EP300: variants seen among roughly 807,000 people sequenced by gnomAD.
The protein encoded by EP300 is histone acetyltransferase p300.
EP300 carries 31 observed loss-of-function variants against 264.0 expected under a neutral mutation model. The ratio of observed to expected loss-of-function variants is 0.12; its 90% confidence interval spans 0.09 to 0.16. The LOEUF (loss-of-function observed/expected upper bound fraction) is 0.16. Ranked by LOEUF, EP300 falls within the 10% of genes least tolerant of loss-of-function variation. EP300 has a pLI of 1.00. For missense variants in EP300, 2,766 were observed against 3,052.9 expected (o/e 0.91, Z 2.21); for synonymous variants, 1,340 against 1,045.4 (o/e 1.28, Z -5.44).
At chr22:41,136,283 C>T (rs1297565270) in intron 7 of EP300, among the ~76,000 whole-genome samples, 2 of 152,162 alleles carry the variant, frequency 1.3e-5, no homozygotes, top group Non-Finnish European at 2.9e-5. Context: ...CTCAGTCTCC[C>T]GAAGTGCTGG....
Position 41,117,570 on chromosome 22 carries a change from C to G in EP300, c.478C>G (p.Gln160Glu). 1 of 1,614,244 alleles carries G rather than the reference C, an allele frequency of 6.2e-7. No homozygotes were observed. Residue 160 changes from glutamine (Q) to glutamate (E), a missense_variant, in exon 2 of 31, where the codon CAG becomes GAG. By Grantham distance (29) the Gln-to-Glu change is conservative (BLOSUM62 2). Transcript: ENST00000263253. ...AGGTATGATGAACAGTCCAGTAAAT[C>G]AGCCTGCCATGGGAATGAACACAGG... ...STGMMNSPVN[Q>E]PAMGMNTGMN...
chr22:41,176,594 C>A (rs1363689559), intron 30 of EP300, 66 bp downstream of exon 30: 1 of 1,609,748 alleles, frequency 6.2e-7, no homozygotes, highest in African/African-American at 1.3e-5. Flanking sequence ...GCCATGCAGC[C>A]ACGTATTTTA....
At chr22:41,109,261 A>AAC (rs1306470142) in intron 1 of EP300, among the ~76,000 whole-genome samples, 11 of 151,108 alleles carry the variant, frequency 7.3e-5, no homozygotes, top group Admixed American at 6.6e-4. Flanking sequence ...CTCAAAAAAA[A>AAC]AAAAAAACAA....
intron 9 of EP300, among the ~76,000 whole-genome samples, chr22:41,140,830 TTC>T (rs2058978106): frequency 6.6e-6 from 1 of 152,144 alleles, no homozygotes; most frequent in African/African-American, 2.4e-5. Flanking sequence ...ACCAGCTGTG[TTC>T]TCTTTTCACT....
At chr22:41,119,241 A>G (rs1197468415) in intron 2 of EP300, among the ~76,000 whole-genome samples, 2 of 146,582 alleles carry the variant, frequency 1.4e-5, no homozygotes, top group Non-Finnish European at 3.0e-5. Context: ...GCTAATCTCA[A>G]ACTCCTCTTG....
chr22:41,177,871 C>T lies in EP300; in HGVS notation c.6160C>T (p.Leu2054Phe). ...TGTGTCTCAACAAGCCTTACAAAACCTTTTGCGGACTCTCAGGTCTCCCAG... is the reference window on the plus strand; with the variant it reads ...TGTGTCTCAACAAGCCTTACAAAACTTTTTGCGGACTCTCAGGTCTCCCAG... The part of the protein sequence containing the change: ...GTVSQQALQN[L>F]LRTLRSPSSP... Residue 2054 changes from leucine to phenylalanine, a missense_variant, in exon 31 of 31, where the codon CTT becomes TTT. By Grantham distance (22) the Leu-to-Phe change is conservative. Coordinates refer to ENST00000263253, the MANE Select transcript of EP300 (RefSeq NM_001429.4). The T allele has an allele frequency of 3.1e-6, 5 of 1,614,180 alleles. No homozygotes were observed. The highest frequency in any genetic ancestry group is 4.2e-6 in the Non-Finnish European group (5 of 1,180,018).
At chr22:41,162,422 G>A (rs1345664124) in intron 20 of EP300, among the ~76,000 whole-genome samples, 1 of 152,170 alleles carries the variant, frequency 6.6e-6, no homozygotes, top group Non-Finnish European at 1.5e-5. Context: ...GGGAAGCCAT[G>A]ATACCTAACA....
chr22:41,176,491 A>G lies in EP300; in HGVS notation c.5024A>G (p.His1675Arg). Residue 1675 changes from histidine (H) to arginine (R), a missense_variant, in exon 30 of 31, where the codon CAC (histidine) becomes CGC (arginine). His to Arg is a conservative substitution (Grantham distance 29, BLOSUM62 0). Transcript: ENST00000263253. The part of the protein sequence containing the change: ...RFVYTCNECK[H>R]HVETRWHCTV... ...GTCTACACCTGCAATGAATGCAAGC[A>G]CCATGTGGAGACACGCTGGCACTGT... 1 of 1,614,096 alleles carries G rather than the reference A, an allele frequency of 6.2e-7. No homozygotes were observed. The highest frequency in any genetic ancestry group is 8.5e-7 in the Non-Finnish European group (1 of 1,180,032).
chr22:41,128,494 T>A (rs186264656), intron 4 of EP300, among the ~76,000 whole-genome samples: 554 of 152,276 alleles, frequency 3.6e-3, no homozygotes, highest in African/African-American at 0.011. Flanking sequence ...TGTAATTTTT[T>A]AAAATTATTT....
intron 16 of EP300, among the ~76,000 whole-genome samples, chr22:41,154,182 T>C (rs999222599): frequency 1.3e-5 from 2 of 152,120 alleles, no homozygotes; most frequent in Non-Finnish European, 2.9e-5. Flanking sequence ...AGTACATGTC[T>C]CTTTTTCTTT....
rs1057517732 is a variant in EP300 at position 41,176,250 on chromosome 22, T to G, written c.4783T>G (p.Phe1595Val). The G allele has an allele frequency of 1.2e-6, 2 of 1,614,216 alleles. No individual in the cohort carries two copies. The highest frequency in any genetic ancestry group is 1.7e-6 in the Non-Finnish European group (2 of 1,180,036). ...YATMEKHKEV[F>V]FVIRLIAGPA... ...AAAGAGACTGTCTGTTTTTCAGGTC[T>G]TCTTTGTGATCCGCCTCATTGCTGG... Residue 1595 changes from phenylalanine to valine, a missense_variant, in exon 30 of 31, where the codon TTC (phenylalanine) becomes GTC (valine). By Grantham distance (50) the Phe-to-Val change is conservative. Transcript: ENST00000263253.
At chr22:41,147,180 C>T (rs972747218) in intron 11 of EP300, among the ~76,000 whole-genome samples, 1 of 152,070 alleles carries the variant, frequency 6.6e-6, no homozygotes, top group Non-Finnish European at 1.5e-5. Flanking sequence ...GTGGCACGGG[C>T]CTGTAATCCC....
At chr22:41,131,334 C>CT (rs1187621996) in intron 5 of EP300, 54 bp from the exon 6 acceptor site, 84 of 1,586,184 alleles carry the variant, frequency 5.3e-5, no homozygotes, top group Middle Eastern at 2.2e-4. Context: ...ACATGTTAGT[C>CT]TTTTTTTTCT....
Position 41,117,146 on chromosome 22 carries a change from T to G in EP300, c.95-41T>G, listed in dbSNP as rs770113636. ...ATATAGAGCAGTTTTTTATTTTGGT[T>G]TTGTCATACTTTGACCTTTGTCTTT... On this transcript the variant is annotated intron_variant, in intron 1 of 30. Coordinates refer to ENST00000263253, the MANE Select transcript of EP300 (RefSeq NM_001429.4). The G allele has an allele frequency of 3.2e-6, 5 of 1,585,252 alleles. No individual in the cohort carries two copies. The Admixed American group carries it at 8.3e-5, about 26-fold the overall frequency.
In EP300 at chr22:41,178,245, A is replaced by G. The variant is rs539784063; in HGVS notation, c.6534A>G (p.Gln2178=). 1.9e-6 allele frequency: 3 copies of G among 1,614,098 alleles called. No homozygotes were observed. The African/African-American group carries it at 4.0e-5, about 22-fold the overall frequency. The change falls in exon 31 of 31, where the codon CAA becomes CAG. Residue 2178 remains glutamine (Q), a synonymous_variant. Coordinates refer to ENST00000263253, the MANE Select transcript of EP300 (RefSeq NM_001429.4). ...MNMNHNTMPS[Q]FRDILRRQQM... The stretch of plus-strand genomic sequence containing the variant: ...TGAACCACAACACCATGCCTTCACA[A>G]TTCCGAGACATCTTGAGACGACAGC...
chr22:41,132,285 T>G (rs530807139), intron 6 of EP300, among the ~76,000 whole-genome samples: 51 of 117,742 alleles, frequency 4.3e-4, no homozygotes, highest in African/African-American at 1.5e-3. Flanking sequence ...ATTCTTTCAT[T>G]CTTTTTTTTT....
chr22:41,102,623 G>A (rs7286979), intron 1 of EP300, among the ~76,000 whole-genome samples: 40,669 of 151,984 alleles, frequency 0.27, 6,466 homozygotes, highest in East Asian at 0.54. Flanking sequence ...AGTAAAAGGA[G>A]GAATAGTTTG....
rs775990510 is a variant in EP300, at chr22:41,131,471, G to A, written c.1366G>A (p.Val456Ile). 62 of 1,613,948 alleles carry A rather than the reference G, an allele frequency of 3.8e-5. No individual in the cohort carries two copies. In the East Asian group the frequency reaches 1.0e-3, roughly 27 times the overall value. ...GQQSAPNLST[V>I]SQIDPSSIER... Reference sequence around the variant, plus strand: ...ACAGTCTGCCCCCAACCTAAGCACTGTTAGTCAGATTGATCCCAGCTCCAT... The same window carrying A: ...ACAGTCTGCCCCCAACCTAAGCACTATTAGTCAGATTGATCCCAGCTCCAT... Residue 456 changes from valine to isoleucine, a missense_variant, in exon 6 of 31, where the codon GTT (valine) becomes ATT (isoleucine). Val to Ile is a conservative substitution (Grantham distance 29, BLOSUM62 3). Transcript: ENST00000263253.
intron 4 of EP300, among the ~76,000 whole-genome samples, chr22:41,129,422 G>A (rs1269753763): frequency 1.3e-5 from 2 of 152,172 alleles, no homozygotes; most frequent in Non-Finnish European, 2.9e-5. Context: ...ATTTGCCCTA[G>A]CATAGCATAC....
Sources: gnomAD v4.1 joint callset for allele counts (sites outside exome capture counted in the v4.1 genomes callset) on GRCh38, gnomAD v4.1.1 for gene constraint, MANE v1.5 for transcripts, NCBI Gene and HGNC (gene_info 2026-07-23, HGNC 2026-07-21) for gene names.